HELZ: variants seen among roughly 807,000 people sequenced by gnomAD.
HELZ encodes ATP-dependent RNA helicase with zinc finger domain.
In HELZ, 23 loss-of-function variants were observed where a neutral mutation model predicts 218.2. The ratio of observed to expected loss-of-function variants is 0.11; its 90% CI spans 0.08 to 0.15. The LOEUF (loss-of-function observed/expected upper bound fraction) is 0.15. Ranked by LOEUF, HELZ falls within the 10% of genes least tolerant of loss-of-function variation. The pLI is 1.00. For missense variants in HELZ, 1,813 were observed against 2,353.7 expected, an observed-to-expected ratio of 0.77 and a Z score of 4.75; for synonymous variants, 814 against 829.4, an observed-to-expected ratio of 0.98 and a Z score of 0.32.
chr17:67,151,557 T>C (rs1054651021), intron 17 of HELZ, among the ~76,000 whole-genome samples: 2 of 152,226 alleles, frequency 1.3e-5, no homozygotes, highest in African/African-American at 4.8e-5. Flanking sequence ...GTTCAAAACA[T>C]TCCCATTCTG....
At chr17:67,091,585 T>C (rs191400031) in intron 31 of HELZ, among the ~76,000 whole-genome samples, 29 of 152,292 alleles carry the variant, frequency 1.9e-4, no homozygotes, top group African/African-American at 7.0e-4. Flanking sequence ...TAGATCAGAA[T>C]GACATCATCT....
In HELZ at chr17:67,109,142, G is replaced by A. The variant is rs777619260; in HGVS notation, c.4463C>T (p.Ser1488Leu). 5.0e-6 allele frequency: 8 copies of A among 1,613,196 alleles called. No homozygotes were observed. In the Admixed American group the frequency reaches 5.0e-5, roughly 10 times the overall value. Residue 1488 changes from serine to leucine, a missense_variant, in exon 29 of 33, where the codon TCG becomes TTG. Physicochemically the swap from Ser to Leu is moderately radical, Grantham distance 145. Transcript: ENST00000358691. ...HLNSFIDENP[S>L]GLPIGEALDR... ...TAAAGCCTCCCCTATAGGTAATCCC[G>A]AGGGGTTCTCATCAATGAAGCTATT... is the stretch of plus-strand genomic sequence containing the variant.
At chr17:67,156,819 G>A (rs1450253724) in intron 17 of HELZ, among the ~76,000 whole-genome samples, 1 of 152,000 alleles carries the variant, frequency 6.6e-6, no homozygotes, top group South Asian at 2.1e-4. Flanking sequence ...AAAAAAAAGT[G>A]GTTTTTCAAA....
chr17:67,204,169 A>G (rs1335730436), intron 5 of HELZ, among the ~76,000 whole-genome samples: 1 of 152,234 alleles, frequency 6.6e-6, no homozygotes, highest in Non-Finnish European at 1.5e-5. Context: ...ATAATTTGCT[A>G]AAATATTTTA....
intron 20 of HELZ, among the ~76,000 whole-genome samples, chr17:67,147,146 T>C (rs1460061347): frequency 1.3e-5 from 2 of 152,186 alleles, no homozygotes; most frequent in Non-Finnish European, 2.9e-5. Flanking sequence ...AATATATTTA[T>C]TACAGCATGT....
intron 31 of HELZ, among the ~76,000 whole-genome samples, chr17:67,088,705 G>C (rs1567789610): frequency 6.6e-6 from 1 of 152,196 alleles, no homozygotes; most frequent in Non-Finnish European, 1.5e-5. Flanking sequence ...TAATTTTATA[G>C]ATCTGTTTCT....
chr17:67,207,211 C>CTTTCT (rs2040326840), intron 5 of HELZ, among the ~76,000 whole-genome samples: 1 of 75,552 alleles, frequency 1.3e-5, no homozygotes, highest in Admixed American at 1.5e-4. Context: ...CACGCCCGGC[C>CTTTCT]TTTTTTTTTT....
chr17:67,089,694 G>GAGAGAGAGAC (rs776184027), intron 31 of HELZ, among the ~76,000 whole-genome samples: 1,596 of 100,266 alleles, frequency 0.016, 35 homozygotes, highest in African/African-American at 0.044. Flanking sequence ...GAGAGAGAGA[G>GAGAGAGAGAC]AGAGAGACAG....
intron 12 of HELZ, among the ~76,000 whole-genome samples, chr17:67,180,036 T>C (rs138470438): frequency 3.3e-5 from 5 of 152,178 alleles, no homozygotes; most frequent in African/African-American, 9.7e-5. Flanking sequence ...TAGTGGCAAA[T>C]AGCTTATCCA....
chr17:67,227,516 A>C lies in HELZ; in HGVS notation c.-18-8694T>G, dbSNP rs75256697. 3.8e-3 allele frequency among the ~76,000 whole-genome samples: 586 copies of C among 152,314 alleles called. 8 individuals carry two copies. Among genetic ancestry groups the C allele is most frequent in the African/African-American group, 0.014 (573 of 41,584 alleles). On this transcript the variant is annotated intron_variant, in intron 3 of 32. Transcript: ENST00000358691. ...TGATTTTTTAAAACTACAAAGAAGA[A>C]AATGCAGCAGGATAAGTGTGCTGTG... is the stretch of plus-strand genomic sequence containing the variant.
intron 3 of HELZ, among the ~76,000 whole-genome samples, chr17:67,219,903 A>G (rs1489622408): frequency 6.6e-6 from 1 of 152,206 alleles, no homozygotes; most frequent in Non-Finnish European, 1.5e-5. Flanking sequence ...TATAACACTC[A>G]TGGCAGGGGT....
chr17:67,168,613 T>C (rs969269538), intron 13 of HELZ, among the ~76,000 whole-genome samples: 1 of 152,196 alleles, frequency 6.6e-6, no homozygotes, highest in Non-Finnish European at 1.5e-5. Context: ...ATGAATAACA[T>C]TTAAAATAAA....
chr17:67,153,427 G>A (rs907190615), intron 17 of HELZ, among the ~76,000 whole-genome samples: 1 of 152,158 alleles, frequency 6.6e-6, no homozygotes, highest in Non-Finnish European at 1.5e-5. Context: ...TACTCCGTCA[G>A]TAAAATTACA....
At chr17:67,230,008 T>C (rs1293892807) in intron 3 of HELZ, among the ~76,000 whole-genome samples, 1 of 152,248 alleles carries the variant, frequency 6.6e-6, no homozygotes, top group Non-Finnish European at 1.5e-5. Flanking sequence ...TAGTAGAGTA[T>C]AGAATGTTTT....
chr17:67,078,224 A>C lies in HELZ; in HGVS notation c.*28T>G. 1 of 1,512,088 alleles carries C rather than the reference A, an allele frequency of 6.6e-7. No homozygotes were observed. 93.7% of individuals were successfully genotyped at this position (1,512,088 alleles called of 1,614,324 possible). On this transcript the variant is annotated 3_prime_UTR_variant, in exon 33 of 33. Transcript: ENST00000358691. The stretch of plus-strand genomic sequence containing the variant: ...TACTGATACAAACAGAAATTAAAAC[A>C]TTCTCCCTTGAGGGAAAAAAAAAGT...
intron 32 of HELZ, 142 bp from the exon 33 acceptor site, chr17:67,078,728 T>C (rs961637672): frequency 5.2e-5 from 25 of 479,932 alleles, no homozygotes; most frequent in Admixed American, 4.5e-4. Flanking sequence ...CCTTCTGCCA[T>C]AGAATGCTGA....
intron 23 of HELZ, among the ~76,000 whole-genome samples, chr17:67,130,925 A>C (rs761228282): frequency 5.3e-5 from 8 of 152,194 alleles, no homozygotes; most frequent in Non-Finnish European, 1.0e-4. Context: ...GCTGTCACTC[A>C]GAGTGAAGGG....
chr17:67,233,857 A>G (rs765551760), intron 3 of HELZ, among the ~76,000 whole-genome samples: 93 of 151,844 alleles, frequency 6.1e-4, no homozygotes, highest in Non-Finnish European at 1.1e-3. Context: ...TTCTGTATAC[A>G]TAGAAACCCC....
chr17:67,156,708 C>A (rs988756326), intron 17 of HELZ, among the ~76,000 whole-genome samples: 1 of 152,046 alleles, frequency 6.6e-6, no homozygotes, highest in East Asian at 1.9e-4. Context: ...TCTATGCTCA[C>A]GCTTCAATCA....
Sources: gnomAD v4.1 joint callset for allele counts (sites outside exome capture counted in the v4.1 genomes callset) on GRCh38, gnomAD v4.1.1 for gene constraint, MANE v1.5 for transcripts, NCBI Gene and HGNC (gene_info 2026-07-23, HGNC 2026-07-21) for gene names.